NPL: variants seen among roughly 807,000 people sequenced by gnomAD.
The protein encoded by NPL is N-acetylneuraminate lyase.
NPL carries 32 observed loss-of-function variants against 41.1 expected under a neutral mutation model. The ratio of observed to expected loss-of-function variants is 0.78; its 90% CI spans 0.59 to 1.05. The LOEUF (loss-of-function observed/expected upper bound fraction) is 1.05. Among genes scored for constraint, NPL ranks in the 50% least tolerant of loss-of-function variants. The pLI is 0.00. For synonymous variants in NPL, 128 were observed against 134.9 expected (o/e 0.95, Z 0.35); for missense variants, 321 against 378.4 (o/e 0.85, Z 1.26).
chr1:182,827,765 G>T (rs1195969105), intron 12 of NPL, among the ~76,000 whole-genome samples: 1 of 151,882 alleles, frequency 6.6e-6, no homozygotes, highest in African/African-American at 2.4e-5. Context: ...TGTCATTTTT[G>T]AATGTGCTGG....
chr1:182,822,233 C>T, intron 11 of NPL, 34 bp downstream of exon 11: 1 of 1,407,540 alleles, frequency 7.1e-7, no homozygotes, highest in Non-Finnish European at 1.0e-6. Context: ...TAAATCACAG[C>T]CTTTTTTCTT....
rs779955836 is a variant in NPL at position 182,828,929 on chromosome 1, G to T, written c.*21G>T. 3.1e-6 allele frequency: 5 copies of T among 1,613,810 alleles called. No individual in the cohort carries two copies. Among genetic ancestry groups the T allele is most frequent in the Admixed American group, 3.3e-5 (2 of 60,002 alleles). On this transcript the variant is annotated 3_prime_UTR_variant, in exon 13 of 13. Transcript: ENST00000367553. The surrounding 1 kb of genome is among the most constrained non-coding windows in gnomAD (Gnocchi z 4.0). ...GCTAGTGCCTCTCTATCAAATCAGGGTTTGCACCTTGAGACATAATCTACC... is the reference window on the plus strand; with the variant it reads ...GCTAGTGCCTCTCTATCAAATCAGGTTTTGCACCTTGAGACATAATCTACC...
Position 182,808,988 on chromosome 1 carries a change from T to TTGATAC in NPL, c.230+2757_230+2762dup, listed in dbSNP as rs1434586255. 7.4e-5 allele frequency among the ~76,000 whole-genome samples: 11 copies of TTGATAC among 148,172 alleles called. No homozygotes were observed. The South Asian group carries it at 2.4e-3, about 32-fold the overall frequency. ...AAAAAAAAAAAAAAAAAGTGGTGAA[T>TTGATAC]TGATACCTTTGATGGAAGGTCTTGG... On this transcript the variant is annotated intron_variant, in intron 5 of 12. Transcript: ENST00000367553.
chr1:182,816,712 A>G lies in NPL; in HGVS notation c.365-2A>G, dbSNP rs1363391243. On this transcript the variant is annotated splice_acceptor_variant, in intron 7 of 12. Transcript: ENST00000367553. LOFTEE classifies it high-confidence loss of function. ...CCATGACTGTTCCTACTGTTCTTTCAGATATCCTGATTAATTTCCTAAAGG... is the reference window on the plus strand; with the variant it reads ...CCATGACTGTTCCTACTGTTCTTTCGGATATCCTGATTAATTTCCTAAAGG... 1 of 1,609,174 alleles carries G rather than the reference A, an allele frequency of 6.2e-7. No homozygotes were observed. The highest frequency in any genetic ancestry group is 8.5e-7 in the Non-Finnish European group (1 of 1,176,038).
chr1:182,822,432 T>C (rs1667514752), intron 11 of NPL, among the ~76,000 whole-genome samples: 1 of 152,200 alleles, frequency 6.6e-6, no homozygotes, highest in East Asian at 1.9e-4. Flanking sequence ...CCTCTCTTCC[T>C]CCTAGAAAGG....
chr1:182,825,987 G>A lies in NPL; in HGVS notation c.778+167G>A, dbSNP rs920534531. 7 of 689,328 alleles carry A rather than the reference G, an allele frequency of 1.0e-5. No individual in the cohort carries two copies. The African/African-American group carries it at 1.1e-4, about 11-fold the overall frequency. The allele number at this position is 689,328 out of a possible 1,614,324, so 42.7% of individuals were successfully genotyped here. A position where few individuals can be genotyped will look rare whatever the true frequency, so the allele number is the denominator to read the frequency against. ...GGGGCCAACCATATAAAACTGTGAA[G>A]TAAACCTAGTTGGAAAATCTTTGGC... On this transcript the variant is annotated intron_variant, in intron 12 of 12. Coordinates refer to ENST00000367553, the MANE Select transcript of NPL (RefSeq NM_030769.3).
chr1:182,812,078 C>A, intron 5 of NPL, 78 bp from the exon 6 acceptor site: 1 of 1,417,288 alleles, frequency 7.1e-7, no homozygotes, highest in Non-Finnish European at 1.0e-6. Flanking sequence ...CTGCTAAAAT[C>A]AGCACAAACC....
Position 182,829,110 on chromosome 1 carries a change from GTCAT to G in NPL, c.*208_*211del. On this transcript the variant is annotated 3_prime_UTR_variant, in exon 13 of 13. Transcript: ENST00000367553. ...AAAACTCTAGGAGTCACAACTCTCAGTCATTCATTTCACAGATTTTTTTGTGGAG... is the reference window on the plus strand; with the variant it reads ...AAAACTCTAGGAGTCACAACTCTCAGTCATTTCACAGATTTTTTTGTGGAG... 7.2e-7 allele frequency: 1 copy of G among 1,392,498 alleles called. No individual in the cohort carries two copies. The highest frequency in any genetic ancestry group is 9.3e-7 in the Non-Finnish European group (1 of 1,078,470). 86.3% of individuals were successfully genotyped at this position (1,392,498 alleles called of 1,614,324 possible).
chr1:182,808,042 A>AGG (rs987520202), intron 5 of NPL, among the ~76,000 whole-genome samples: 2 of 152,078 alleles, frequency 1.3e-5, no homozygotes, highest in Non-Finnish European at 2.9e-5. Context: ...TCAGTGTAGC[A>AGG]GGGGCCATAG....
At chr1:182,816,953 C>T in intron 8 of NPL, 147 bp downstream of exon 8, 1 of 697,628 alleles carries the variant, frequency 1.4e-6, no homozygotes, top group Non-Finnish European at 2.6e-6. Flanking sequence ...TTCTAAATGT[C>T]ACTCTAAAGT....
At chr1:182,811,145 C>T (rs1240265658) in intron 5 of NPL, among the ~76,000 whole-genome samples, 1 of 152,170 alleles carries the variant, frequency 6.6e-6, no homozygotes, top group East Asian at 1.9e-4. Context: ...TTACAAAAAT[C>T]ATATGTAATA....
intron 3 of NPL, among the ~76,000 whole-genome samples, chr1:182,801,629 C>T (rs922619922): frequency 6.6e-6 from 1 of 152,226 alleles, no homozygotes; most frequent in South Asian, 2.1e-4. Flanking sequence ...GCAGGAGGAT[C>T]GCTTGACCCC....
intron 5 of NPL, 76 bp from the exon 6 acceptor site, chr1:182,812,080 G>A: frequency 6.9e-7 from 1 of 1,442,492 alleles, no homozygotes; most frequent in Non-Finnish European, 9.8e-7. Context: ...GCTAAAATCA[G>A]CACAAACCAG....
At chr1:182,827,982 A>T (rs940457849) in intron 12 of NPL, among the ~76,000 whole-genome samples, 1 of 152,216 alleles carries the variant, frequency 6.6e-6, no homozygotes, top group Non-Finnish European at 1.5e-5. Flanking sequence ...TACCTATACT[A>T]AGTGTGTGAC....
At chr1:182,811,509 A>G (rs770029566) in intron 5 of NPL, among the ~76,000 whole-genome samples, 1 of 152,130 alleles carries the variant, frequency 6.6e-6, no homozygotes, top group African/African-American at 2.4e-5. Flanking sequence ...GATTATAGAT[A>G]TGAGCCACTG....
chr1:182,794,249 A>G (rs1666594892), intron 2 of NPL, 107 bp from the exon 3 acceptor site: 1 of 948,444 alleles, frequency 1.1e-6, no homozygotes, highest in Non-Finnish European at 1.7e-6. Context: ...GTGTTTGTGT[A>G]CTTGTAAGCA....
chr1:182,818,008 C>T (rs894327790), intron 8 of NPL, among the ~76,000 whole-genome samples: 1 of 152,180 alleles, frequency 6.6e-6, no homozygotes, highest in African/African-American at 2.4e-5. Flanking sequence ...GAAAGTTCCA[C>T]CCCTCTAAGT....
rs949483026 is a variant in NPL at position 182,800,399 on chromosome 1, G to A, written c.69-3299G>A. On this transcript the variant is annotated intron_variant, in intron 3 of 12. Coordinates refer to ENST00000367553, the MANE Select transcript of NPL (RefSeq NM_030769.3). ...TGTAGTGAGCCGTGATTGTGCCACT[G>A]TATTCCAGCCTGGGTGACAGAGCAA... 2.3e-5 allele frequency among the ~76,000 whole-genome samples: 3 copies of A among 128,320 alleles called. No individual in the cohort carries two copies. In the South Asian group the frequency reaches 8.3e-4, roughly 36 times the overall value. 84.2% of individuals were successfully genotyped at this position (128,320 alleles called of 152,430 possible).
Position 182,828,658 on chromosome 1 carries a change from C to T in NPL, c.779-66C>T, listed in dbSNP as rs1302551363. ...GTTGCTGTTAGCATATGATCTCCTTCTTTGGGATTTTTGTGGAGAGATAGA... is the reference window on the plus strand; with the variant it reads ...GTTGCTGTTAGCATATGATCTCCTTTTTTGGGATTTTTGTGGAGAGATAGA... On this transcript the variant is annotated intron_variant, in intron 12 of 12. Coordinates refer to ENST00000367553, the MANE Select transcript of NPL (RefSeq NM_030769.3). This position sits in a 1 kb window ranked among gnomAD's most constrained non-coding sequence, Gnocchi z 4.0. 63 of 1,608,618 alleles carry T rather than the reference C, an allele frequency of 3.9e-5. No individual in the cohort carries two copies. The highest frequency in any genetic ancestry group is 5.1e-5 in the Admixed American group (3 of 59,222).
Sources: allele counts gnomAD v4.1 joint callset (sites outside exome capture counted in the v4.1 genomes callset), GRCh38; gene constraint gnomAD v4.1.1; non-coding constraint Gnocchi (gnomAD v3.1); transcripts MANE v1.5; gene names NCBI Gene and HGNC (gene_info 2026-07-23, HGNC 2026-07-21).